Variants in KCNT2 observed in about 807,000 individuals in gnomAD.
KCNT2 encodes the protein potassium sodium-activated channel subfamily T member 2, also known as potassium channel subfamily T member 2.
KCNT2 carries 67 observed loss-of-function variants against 153.8 expected under a neutral mutation model. That is an observed-to-expected ratio of 0.44 (90% CI 0.36 to 0.53). The LOEUF (loss-of-function observed/expected upper bound fraction) is 0.53, where lower values mean the gene tolerates loss of function less well. KCNT2 is among the 20% of genes least tolerant of loss of function. The pLI, the probability that KCNT2 is intolerant of heterozygous loss-of-function variation, is 0.00. For missense variants in KCNT2, 975 were observed against 1,354.8 expected, an observed-to-expected ratio of 0.72 and a Z score of 4.40; for synonymous variants, 500 against 458.8, an observed-to-expected ratio of 1.09 and a Z score of -1.15.
intron 3 of KCNT2, among the ~76,000 whole-genome samples, chr1:196,486,133 T>C (rs972529349): frequency 6.6e-6 from 1 of 151,986 alleles, no homozygotes; most frequent in Non-Finnish European, 1.5e-5. Flanking sequence ...AGTATGTATA[T>C]GTTATCTATA....
chr1:196,434,019 C>T (rs570907661), intron 8 of KCNT2, among the ~76,000 whole-genome samples: 3 of 152,058 alleles, frequency 2.0e-5, no homozygotes, highest in South Asian at 4.1e-4. Flanking sequence ...AAATCGCCCT[C>T]GTTTTATGCT....
At chr1:196,393,371 T>A (rs1670649701) in intron 13 of KCNT2, among the ~76,000 whole-genome samples, 1 of 151,488 alleles carries the variant, frequency 6.6e-6, no homozygotes, top group Non-Finnish European at 1.5e-5. Context: ...AGATATTGTG[T>A]TTATCTAAAT....
chr1:196,594,288 T>C (rs1663782776), intron 1 of KCNT2, among the ~76,000 whole-genome samples: 1 of 152,142 alleles, frequency 6.6e-6, no homozygotes, highest in Admixed American at 6.6e-5. Flanking sequence ...AAATTAGATG[T>C]AGAAAAGACA....
intron 10 of KCNT2, 29 bp downstream of exon 10, chr1:196,428,076 G>A: frequency 6.4e-6 from 10 of 1,573,908 alleles, no homozygotes; most frequent in Non-Finnish European, 7.0e-6. Flanking sequence ...GTATGATCCA[G>A]TATAGCACAT....
chr1:196,369,283 A>G (rs1374432115), intron 14 of KCNT2, among the ~76,000 whole-genome samples: 1 of 152,126 alleles, frequency 6.6e-6, no homozygotes, highest in East Asian at 1.9e-4. Context: ...TCCATGTTCA[A>G]AGGTGATTTT....
At chr1:196,430,852 T>TGTAA (rs1394995434) in intron 8 of KCNT2, among the ~76,000 whole-genome samples, 1 of 152,124 alleles carries the variant, frequency 6.6e-6, no homozygotes, top group Non-Finnish European at 1.5e-5. Context: ...TGGAGGAAGA[T>TGTAA]GTAAGATTTG....
intron 8 of KCNT2, among the ~76,000 whole-genome samples, chr1:196,436,998 A>C (rs912703021): frequency 3.4e-4 from 30 of 89,276 alleles, no homozygotes; most frequent in African/African-American, 1.1e-3. Flanking sequence ...TTGTTTTGTG[A>C]CTGGGAAATA....
At chr1:196,538,159 C>T (rs749563590) in intron 1 of KCNT2, among the ~76,000 whole-genome samples, 1 of 152,144 alleles carries the variant, frequency 6.6e-6, no homozygotes, top group Non-Finnish European at 1.5e-5. Context: ...CATTCCTTCT[C>T]GGTGTTCTGT....
At chr1:196,573,016 C>G (rs561859375) in intron 1 of KCNT2, among the ~76,000 whole-genome samples, 1 of 151,986 alleles carries the variant, frequency 6.6e-6, no homozygotes, top group African/African-American at 2.4e-5. Context: ...CTTGTCTCTT[C>G]GGGATTTTAA....
chr1:196,280,705 G>GA (rs34639651), intron 25 of KCNT2, 155 bp downstream of exon 25: 25 of 668,712 alleles, frequency 3.7e-5, no homozygotes, highest in African/African-American at 9.2e-5. Flanking sequence ...ACAAATAGTT[G>GA]AAAAAAAATT....
intron 14 of KCNT2, among the ~76,000 whole-genome samples, chr1:196,353,419 T>C (rs76126233): frequency 1.1e-4 from 16 of 152,058 alleles, no homozygotes; most frequent in Non-Finnish European, 2.4e-4. Context: ...TTGAATCATT[T>C]TTGTCCTCAG....
intron 1 of KCNT2, among the ~76,000 whole-genome samples, chr1:196,515,556 G>T (rs1558030418): frequency 6.6e-6 from 1 of 152,036 alleles, no homozygotes; most frequent in African/African-American, 2.4e-5. Context: ...AGAACTTTGT[G>T]AAAATAACTG....
chr1:196,249,082 A>G (rs776965629), intron 26 of KCNT2, among the ~76,000 whole-genome samples: 5 of 152,116 alleles, frequency 3.3e-5, no homozygotes, highest in Admixed American at 2.0e-4. Context: ...CTAAAAATGG[A>G]TTTGGAAAAA....
chr1:196,437,301 A>AATATATTT (rs1674798874), intron 8 of KCNT2, among the ~76,000 whole-genome samples: 1 of 130,214 alleles, frequency 7.7e-6, no homozygotes, highest in Non-Finnish European at 1.6e-5. Flanking sequence ...AATATATATA[A>AATATATTT]ATATATTTAT....
intron 13 of KCNT2, among the ~76,000 whole-genome samples, chr1:196,391,194 T>G (rs964337101): frequency 6.6e-6 from 1 of 151,296 alleles, no homozygotes; most frequent in Non-Finnish European, 1.5e-5. Context: ...AAAAGTGCAT[T>G]GACTTTTTTA....
At chr1:196,310,925 G>A (rs557017953) in intron 21 of KCNT2, among the ~76,000 whole-genome samples, 61 of 151,488 alleles carry the variant, frequency 4.0e-4, no homozygotes, top group Admixed American at 1.8e-3. Context: ...CAGCCTCCTC[G>A]CACCAGTCTT....
At chr1:196,236,471 T>C (rs1248668771) in intron 26 of KCNT2, among the ~76,000 whole-genome samples, 1 of 151,462 alleles carries the variant, frequency 6.6e-6, no homozygotes, top group African/African-American at 2.4e-5. Context: ...CACAGGAAAT[T>C]CTTGGGAAAA....
intron 1 of KCNT2, among the ~76,000 whole-genome samples, chr1:196,537,572 C>A (rs1572757386): frequency 6.6e-6 from 1 of 152,156 alleles, no homozygotes; most frequent in South Asian, 2.1e-4. Flanking sequence ...ACGCCAGGAA[C>A]CTTGGCCAGT....
chr1:196,524,087 T>C (rs1380546092), intron 1 of KCNT2, among the ~76,000 whole-genome samples: 1 of 131,686 alleles, frequency 7.6e-6, no homozygotes. Flanking sequence ...AATCAAATTG[T>C]AATTCATAAA....
Sources: allele counts gnomAD v4.1 joint callset (sites outside exome capture counted in the v4.1 genomes callset), GRCh38; gene constraint gnomAD v4.1.1; transcripts MANE v1.5; gene names NCBI Gene and HGNC (gene_info 2026-07-23, HGNC 2026-07-21).